Variants in CEP120 observed in about 807,000 individuals in gnomAD.
CEP120 encodes the protein centrosomal protein 120.
CEP120 carries 113 observed loss-of-function variants against 126.5 expected under a neutral mutation model. That is an observed-to-expected ratio of 0.89 (90% CI 0.77 to 1.04). CEP120 has a LOEUF of 1.04. Among genes scored for constraint, CEP120 ranks in the 50% least tolerant of loss-of-function variants. The pLI, the probability that CEP120 is intolerant of heterozygous loss-of-function variation, is 0.00. For missense variants in CEP120, 1,230 were observed against 1,155.7 expected, an observed-to-expected ratio of 1.06 and a Z score of -0.93; for synonymous variants, 400 against 394.3, an observed-to-expected ratio of 1.01 and a Z score of -0.17.
intron 14 of CEP120, among the ~76,000 whole-genome samples, chr5:123,379,312 A>T (rs1409801292): frequency 6.6e-6 from 1 of 152,044 alleles, no homozygotes; most frequent in Non-Finnish European, 1.5e-5. Context: ...TTTTTTATAC[A>T]TATTGCTTTC....
intron 13 of CEP120, 110 bp downstream of exon 13, chr5:123,382,627 G>A (rs976098784): frequency 3.1e-6 from 3 of 964,668 alleles, no homozygotes; most frequent in Admixed American, 6.9e-5. Flanking sequence ...GACATTCAAA[G>A]AAGTTAGATA....
chr5:123,419,672 C>T (rs1322643024), intron 1 of CEP120, among the ~76,000 whole-genome samples: 11 of 152,018 alleles, frequency 7.2e-5, no homozygotes, highest in Non-Finnish European at 2.9e-5. Context: ...AATATTCTAT[C>T]TACACATCAC....
chr5:123,404,031 A>G (rs948219725), intron 4 of CEP120, among the ~76,000 whole-genome samples: 1 of 152,246 alleles, frequency 6.6e-6, no homozygotes, highest in African/African-American at 2.4e-5. Flanking sequence ...ATGTGTTAAT[A>G]TATTGATGTA....
chr5:123,393,794 G>A (rs1772568753), intron 5 of CEP120, among the ~76,000 whole-genome samples: 1 of 152,164 alleles, frequency 6.6e-6, no homozygotes, highest in African/African-American at 2.4e-5. Context: ...AGAAGAAAGA[G>A]ATTAAATATT....
chr5:123,402,370 G>A, intron 4 of CEP120: 1 of 1,367,940 alleles, frequency 7.3e-7, no homozygotes, highest in Non-Finnish European at 9.7e-7. Context: ...AGGCAGGCGG[G>A]CCGAACCAGG....
Position 123,389,972 on chromosome 5 carries a change from C to T in CEP120, c.1207G>A (p.Glu403Lys), listed in dbSNP as rs1772283284. The T allele has an allele frequency of 6.2e-7, 1 of 1,614,174 alleles. No individual in the cohort carries two copies. Among genetic ancestry groups the T allele is most frequent in the Non-Finnish European group, 8.5e-7 (1 of 1,180,034 alleles). ...TTATCATACTGTAAACTTTCCACTT[C>T]ACTTTCTGTTGCATCATCTTTTGTT... ...PPTKDDATES[E>K]VESLQYDKDT... Residue 403 changes from glutamate to lysine, a missense_variant, in exon 8 of 20, where the codon GAA becomes AAA. Glu to Lys is a moderately conservative substitution (Grantham distance 56). Transcript: ENST00000306467.
chr5:123,359,110 C>T (rs1403995975), intron 18 of CEP120, among the ~76,000 whole-genome samples: 1 of 152,012 alleles, frequency 6.6e-6, no homozygotes, highest in Admixed American at 6.6e-5. Context: ...AAATTAATTA[C>T]TCAGAGTGGA....
At chr5:123,380,199 T>C (rs1377384387) in intron 14 of CEP120, among the ~76,000 whole-genome samples, 2 of 152,134 alleles carry the variant, frequency 1.3e-5, no homozygotes, top group Non-Finnish European at 2.9e-5. Context: ...TATTTCATCA[T>C]ACTGAAAAAC....
intron 5 of CEP120, 102 bp from the exon 6 acceptor site, chr5:123,393,599 T>G (rs1772551660): frequency 1.1e-6 from 1 of 931,516 alleles, no homozygotes; most frequent in Non-Finnish European, 1.6e-6. Context: ...AATGTTTTTT[T>G]ATTTGATGTC....
chr5:123,402,169 C>T (rs1193229671), intron 4 of CEP120: 29 of 1,581,210 alleles, frequency 1.8e-5, no homozygotes, highest in East Asian at 6.7e-5. Flanking sequence ...CCTCCCATGC[C>T]GCTGGCCCCA....
chr5:123,389,700 A>G (rs1406524595), intron 8 of CEP120, among the ~76,000 whole-genome samples: 3 of 151,834 alleles, frequency 2.0e-5, no homozygotes, highest in East Asian at 1.9e-4. Flanking sequence ...GGATTTCTCT[A>G]CCTTGGTCAG....
chr5:123,382,681 G>GA, intron 13 of CEP120, 56 bp downstream of exon 13: 1 of 1,511,786 alleles, frequency 6.6e-7, no homozygotes, highest in Non-Finnish European at 8.9e-7. Context: ...TACGGAGAAG[G>GA]AAAAATATAC....
In CEP120 at chr5:123,386,700, C is replaced by G. The variant is rs750211093; in HGVS notation, c.1431-33G>C. On this transcript the variant is annotated intron_variant, in intron 9 of 19. Transcript: ENST00000306467. Reference sequence around the variant, plus strand: ...TTAAAAAAAAAAAAAAAAAAAAAAGCCTTAATGATATGGTTTACAGATGAC... The same window carrying G: ...TTAAAAAAAAAAAAAAAAAAAAAAGGCTTAATGATATGGTTTACAGATGAC... The G allele has an allele frequency of 1.1e-4, 106 of 955,922 alleles. 2 individuals are homozygous for G. Among genetic ancestry groups the G allele is most frequent in the Middle Eastern group, 2.9e-4 (1 of 3,482 alleles). The allele number at this position is 955,922 out of a possible 1,614,324, so 59.2% of individuals were successfully genotyped here. A position where few individuals can be genotyped will look rare whatever the true frequency, so the allele number is the denominator to read the frequency against.
At chr5:123,363,807 C>A (rs1455487213) in intron 18 of CEP120, among the ~76,000 whole-genome samples, 1 of 151,446 alleles carries the variant, frequency 6.6e-6, no homozygotes, top group Non-Finnish European at 1.5e-5. Flanking sequence ...CAGAATAAAA[C>A]TGACACATTA....
At chr5:123,416,532 C>T (rs758458547) in intron 2 of CEP120, among the ~76,000 whole-genome samples, 25 of 152,024 alleles carry the variant, frequency 1.6e-4, no homozygotes, top group Non-Finnish European at 3.5e-4. Flanking sequence ...GATCGCGCCA[C>T]TACACTCCAG....
intron 4 of CEP120, among the ~76,000 whole-genome samples, chr5:123,400,300 T>C (rs1773094156): frequency 6.6e-6 from 1 of 152,130 alleles, no homozygotes; most frequent in African/African-American, 2.4e-5. Context: ...TTTTTTTTTT[T>C]CTAGAAAGCT....
chr5:123,390,229 A>C lies in CEP120; in HGVS notation c.1039-89T>G, dbSNP rs1388855630. 3 of 984,718 alleles carry C rather than the reference A, an allele frequency of 3.0e-6. No individual in the cohort carries two copies. In the Admixed American group the frequency reaches 6.7e-5, roughly 22 times the overall value. 61.0% of individuals were successfully genotyped at this position (984,718 alleles called of 1,614,324 possible). ...ACTTGGCATTGTTTTTTAAAAATAT[A>C]AGCTTCCTTTCCCAGTTTGGATATT... is the stretch of plus-strand genomic sequence containing the variant. On this transcript the variant is annotated intron_variant, in intron 7 of 19. Transcript: ENST00000306467.
At chr5:123,347,044 T>C in intron 19 of CEP120, among the ~76,000 whole-genome samples, 1 of 152,146 alleles carries the variant, frequency 6.6e-6, no homozygotes, top group East Asian at 1.9e-4. Flanking sequence ...GTAAAGACAA[T>C]AAAAATCATC....
At chr5:123,396,235 T>C (rs1045094089) in intron 5 of CEP120, among the ~76,000 whole-genome samples, 9 of 152,198 alleles carry the variant, frequency 5.9e-5, no homozygotes, top group African/African-American at 2.2e-4. Flanking sequence ...ACCTTTTGGC[T>C]ATCATGTATA....
Sources: allele counts gnomAD v4.1 joint callset (sites outside exome capture counted in the v4.1 genomes callset), GRCh38; gene constraint gnomAD v4.1.1; transcripts MANE v1.5; gene names NCBI Gene and HGNC (gene_info 2026-07-23, HGNC 2026-07-21).